CLNK: variants seen among roughly 807,000 people sequenced by gnomAD.
The protein encoded by CLNK is cytokine-dependent hematopoietic cell linker.
In CLNK, 74 loss-of-function variants were observed where a neutral mutation model predicts 68.6. The ratio of observed to expected loss-of-function variants is 1.08; its 90% CI spans 0.89 to 1.31. CLNK has a LOEUF of 1.31. CLNK is among the 50% of genes most tolerant of loss of function. The probability of loss-of-function intolerance (pLI) is 0.00; values close to 1 mark genes in which losing one functional copy is unlikely to be tolerated. For synonymous variants in CLNK, 198 were observed against 172.2 expected, an observed-to-expected ratio of 1.15 and a Z score of -1.17; for missense variants, 553 against 515.3, an observed-to-expected ratio of 1.07 and a Z score of -0.71.
chr4:10,702,271 C>T, the CLNK span, among the ~76,000 whole-genome samples: 6 of 151,882 alleles, frequency 4.0e-5, no homozygotes, highest in Admixed American at 2.6e-4. Flanking sequence ...GAAGAAAGGA[C>T]GTTGCAGGCA....
At chr4:10,717,138 G>C in the CLNK span, among the ~76,000 whole-genome samples, 2 of 152,192 alleles carry the variant, frequency 1.3e-5, no homozygotes, top group Non-Finnish European at 1.5e-5. Context: ...AGTGTGGGAG[G>C]AAGCTGAGCA....
intron 8 of CLNK, among the ~76,000 whole-genome samples, chr4:10,545,707 T>A (rs1719201167): frequency 6.6e-6 from 1 of 152,208 alleles, no homozygotes; most frequent in Admixed American, 6.5e-5. Context: ...GCTTTTTGCA[T>A]GTCTCCACTC....
At chr4:10,608,772 A>G (rs1410146764) in intron 2 of CLNK, among the ~76,000 whole-genome samples, 1 of 152,180 alleles carries the variant, frequency 6.6e-6, no homozygotes, top group African/African-American at 2.4e-5. Flanking sequence ...TGCTATAACA[A>G]ATTACCATAG....
At chr4:10,635,343 A>G (rs995155485) in intron 2 of CLNK, among the ~76,000 whole-genome samples, 1 of 152,112 alleles carries the variant, frequency 6.6e-6, no homozygotes, top group African/African-American at 2.4e-5. Context: ...CTGCCTGGGT[A>G]ATCAGATTGC....
chr4:10,536,782 T>C (rs1718776498), intron 11 of CLNK, among the ~76,000 whole-genome samples: 1 of 152,056 alleles, frequency 6.6e-6, no homozygotes, highest in Admixed American at 6.6e-5. Context: ...TAAAAATGAT[T>C]AAATAAAAGT....
chr4:10,712,763 G>A, the CLNK span, among the ~76,000 whole-genome samples: 9 of 152,194 alleles, frequency 5.9e-5, no homozygotes, highest in Non-Finnish European at 1.2e-4. Context: ...TGCTTCTATA[G>A]ATAACATCAC....
At chr4:10,699,494 C>CTCTCTCTCTCTATATATATATA in the CLNK span, among the ~76,000 whole-genome samples, 2 of 56,986 alleles carry the variant, frequency 3.5e-5, no homozygotes, top group African/African-American at 1.8e-4. Flanking sequence ...CTCTCTCTCT[C>CTCTCTCTCTCTATATATATATA]TATATATATA....
At position 10,566,157 on chromosome 4, in the gene CLNK, AG is replaced by A. The variant is rs1205624976; in HGVS notation, c.151-8del. The A allele has an allele frequency of 6.2e-7, 1 of 1,613,264 alleles. No individual in the cohort carries two copies. Among genetic ancestry groups the A allele is most frequent in the Non-Finnish European group, 8.5e-7 (1 of 1,179,480 alleles). On this transcript the variant is annotated splice_region_variant and splice_polypyrimidine_tract_variant and intron_variant, in intron 5 of 18. Transcript: ENST00000226951. Reference sequence around the variant, plus strand: ...CTGCAGCAAAGTTTCTTTCCTAAGCAGGTGGTAACATTCCAGTGAGTCAAAG... The same window carrying A: ...CTGCAGCAAAGTTTCTTTCCTAAGCAGTGGTAACATTCCAGTGAGTCAAAG...
chr4:10,698,029 T>C, the CLNK span, among the ~76,000 whole-genome samples: 1 of 152,156 alleles, frequency 6.6e-6, no homozygotes, highest in African/African-American at 2.4e-5. Flanking sequence ...TTCTGTAACA[T>C]AAGTAGGTAT....
At chr4:10,732,274 C>T in the CLNK span, among the ~76,000 whole-genome samples, 1 of 152,152 alleles carries the variant, frequency 6.6e-6, no homozygotes, top group Admixed American at 6.5e-5. Context: ...CTCATTTAAG[C>T]TACATCTGGC....
chr4:10,519,671 G>A (rs1213939154), intron 15 of CLNK, among the ~76,000 whole-genome samples: 1 of 152,190 alleles, frequency 6.6e-6, no homozygotes. Context: ...GATGGCATAT[G>A]GCAGAAGTGA....
intron 2 of CLNK, among the ~76,000 whole-genome samples, chr4:10,632,213 C>T (rs1722920113): frequency 6.6e-6 from 1 of 152,204 alleles, no homozygotes; most frequent in African/African-American, 2.4e-5. Flanking sequence ...TCGTCCTTGA[C>T]CATCTCATGC....
At chr4:10,586,084 A>G (rs1310434649) in intron 3 of CLNK, among the ~76,000 whole-genome samples, 1 of 152,122 alleles carries the variant, frequency 6.6e-6, no homozygotes, top group African/African-American at 2.4e-5. Context: ...TGAGAATCTA[A>G]TGCTGCTGCT....
At chr4:10,618,298 AG>A (rs1468776450) in intron 2 of CLNK, among the ~76,000 whole-genome samples, 1 of 152,228 alleles carries the variant, frequency 6.6e-6, no homozygotes, top group Non-Finnish European at 1.5e-5. Context: ...GATTTCATTT[AG>A]GTGAAATAAT....
At chr4:10,676,025 T>C (rs1724857324) in intron 1 of CLNK, among the ~76,000 whole-genome samples, 1 of 151,360 alleles carries the variant, frequency 6.6e-6, no homozygotes, top group Non-Finnish European at 1.5e-5. Context: ...TGTGTGTATA[T>C]TTGGAGAAGA....
intron 3 of CLNK, among the ~76,000 whole-genome samples, chr4:10,588,703 G>A (rs1268498560): frequency 6.6e-6 from 1 of 152,018 alleles, no homozygotes; most frequent in African/African-American, 2.4e-5. Context: ...ACTTGATGAG[G>A]TTGGATATAA....
intron 2 of CLNK, among the ~76,000 whole-genome samples, chr4:10,659,162 C>G (rs1724094345): frequency 6.6e-6 from 1 of 152,178 alleles, no homozygotes. Context: ...GATCGTGCTA[C>G]TGCACTACAG....
At chr4:10,561,464 A>G (rs995227920) in intron 7 of CLNK, among the ~76,000 whole-genome samples, 5 of 152,188 alleles carry the variant, frequency 3.3e-5, no homozygotes, top group African/African-American at 1.2e-4. Flanking sequence ...TTTTTAAAAA[A>G]TCAAATGAGA....
intron 10 of CLNK, 97 bp from the exon 11 acceptor site, chr4:10,540,701 CTTTGGGTTGAAAATGCTAGT>C: frequency 1.2e-6 from 1 of 820,092 alleles, no homozygotes; most frequent in East Asian, 2.6e-5. Flanking sequence ...GTGTCCCCAG[CTTTGGGTTGAAAATGCTAGT>C]TTTTGGATGC....
Sources: allele counts gnomAD v4.1 joint callset (sites outside exome capture counted in the v4.1 genomes callset), GRCh38; gene constraint gnomAD v4.1.1; transcripts MANE v1.5; gene names NCBI Gene and HGNC (gene_info 2026-07-23, HGNC 2026-07-21).